The following RBM6 variants were observed in gnomAD, a reference collection of about 807,000 sequenced individuals.
RBM6 encodes RNA-binding protein 6.
Under a neutral mutation model 140.4 loss-of-function variants are expected in RBM6, and 23 were observed. That is an observed-to-expected ratio of 0.16 (90% CI 0.12 to 0.23). The LOEUF is 0.23. RBM6 is among the 10% of genes least tolerant of loss of function. The pLI is 1.00. For synonymous variants in RBM6, 439 were observed against 475.6 expected (o/e 0.92, Z 1.00); for missense variants, 1,139 against 1,386.7 (o/e 0.82, Z 2.84).
intron 6 of RBM6, among the ~76,000 whole-genome samples, chr3:50,012,838 G>C (rs888800680): frequency 3.3e-5 from 5 of 150,422 alleles, no homozygotes; most frequent in Admixed American, 6.6e-5. Context: ...CCCGTCCCGG[G>C]TTCAAGCAAT....
chr3:49,941,798 C>G (rs2083294587), intron 1 of RBM6, among the ~76,000 whole-genome samples: 1 of 151,718 alleles, frequency 6.6e-6, no homozygotes. Context: ...GAACTACTGA[C>G]CTCAGGTGAT....
At chr3:49,946,262 A>G (rs963506007) in intron 1 of RBM6, among the ~76,000 whole-genome samples, 2 of 150,236 alleles carry the variant, frequency 1.3e-5, no homozygotes, top group Non-Finnish European at 3.0e-5. Flanking sequence ...TTTTTTGGAG[A>G]CAGATTCTCG....
At chr3:50,039,285 G>A (rs2088727566) in intron 6 of RBM6, among the ~76,000 whole-genome samples, 1 of 151,820 alleles carries the variant, frequency 6.6e-6, no homozygotes, top group African/African-American at 2.4e-5. Context: ...TTTCACCCAG[G>A]CTGGAGTGCA....
At chr3:50,029,410 A>G (rs1301745372) in intron 6 of RBM6, among the ~76,000 whole-genome samples, 1 of 152,172 alleles carries the variant, frequency 6.6e-6, no homozygotes, top group Non-Finnish European at 1.5e-5. Flanking sequence ...TACAAGAGAG[A>G]GGGCAGAATC....
chr3:49,973,154 C>T (rs933113821), intron 4 of RBM6, among the ~76,000 whole-genome samples: 2 of 151,124 alleles, frequency 1.3e-5, no homozygotes, highest in African/African-American at 2.4e-5. Context: ...TTTGAGGCAG[C>T]GTCTCACTTT....
rs184223882 is a variant in RBM6 at position 49,965,376 on chromosome 3, G to C, written c.45-2094G>C. On this transcript the variant is annotated intron_variant, in intron 2 of 20. Transcript: ENST00000266022. The stretch of plus-strand genomic sequence containing the variant: ...TTTAGTGTTAAATTGTATTGCCTAA[G>C]AAGAACATCTAGGGCGGGCGTGGCG... Among the ~76,000 whole-genome samples the C allele has an allele frequency of 9.9e-5, 15 of 152,274 alleles. No homozygotes were observed. The South Asian group carries it at 2.9e-3, about 29-fold the overall frequency.
At chr3:50,068,800 G>T (rs1409375241) in intron 18 of RBM6, 36 bp downstream of exon 18, 1 of 1,575,460 alleles carries the variant, frequency 6.3e-7, no homozygotes, top group Non-Finnish European at 8.7e-7. Flanking sequence ...CTTGACCTCA[G>T]CTCTTTTTGC....
At chr3:49,987,189 C>G (rs752862787) in intron 5 of RBM6, among the ~76,000 whole-genome samples, 1 of 152,130 alleles carries the variant, frequency 6.6e-6, no homozygotes, top group Non-Finnish European at 1.5e-5. Context: ...TCTCCTGCCT[C>G]AGCCTCCCAA....
chr3:50,037,397 C>A (rs2088608632), intron 6 of RBM6, among the ~76,000 whole-genome samples: 1 of 151,974 alleles, frequency 6.6e-6, no homozygotes, highest in Non-Finnish European at 1.5e-5. Flanking sequence ...CAGAGCAAGA[C>A]CCTGTCTCAA....
intron 1 of RBM6, among the ~76,000 whole-genome samples, chr3:49,949,932 A>G (rs2083660822): frequency 6.6e-6 from 1 of 152,124 alleles, no homozygotes; most frequent in Admixed American, 6.6e-5. Context: ...CATATTGGCC[A>G]GGCTGGTTTT....
At chr3:49,963,077 G>A (rs2084354890) in intron 2 of RBM6, 1 of 154,250 alleles carries the variant, frequency 6.5e-6, no homozygotes, top group Non-Finnish European at 1.4e-5. Flanking sequence ...TCCAGCTTGG[G>A]CGACAGAGGA....
intron 6 of RBM6, among the ~76,000 whole-genome samples, chr3:50,007,602 G>A (rs1032366735): frequency 9.9e-5 from 15 of 151,474 alleles, no homozygotes; most frequent in African/African-American, 2.9e-4. Flanking sequence ...GCGTGATCTC[G>A]GCTCACTGCA....
At chr3:50,007,066 C>G (rs756812301) in intron 6 of RBM6, among the ~76,000 whole-genome samples, 6 of 150,846 alleles carry the variant, frequency 4.0e-5, no homozygotes, top group Non-Finnish European at 7.4e-5. Flanking sequence ...GAGTATATGG[C>G]AAAAAGAGGA....
intron 15 of RBM6, among the ~76,000 whole-genome samples, 170 bp downstream of exon 15, chr3:50,062,278 G>A (rs2089970061): frequency 6.6e-6 from 1 of 152,192 alleles, no homozygotes; most frequent in South Asian, 2.1e-4. Flanking sequence ...GCCAAGGCGG[G>A]CGGATCATGA....
At chr3:50,040,423 G>C (rs2088815490) in intron 6 of RBM6, among the ~76,000 whole-genome samples, 1 of 127,764 alleles carries the variant, frequency 7.8e-6, no homozygotes, top group Admixed American at 9.6e-5. Flanking sequence ...TCCAGCCTGG[G>C]TGACAGAGCA....
intron 1 of RBM6, among the ~76,000 whole-genome samples, chr3:49,943,529 G>A (rs2083371850): frequency 6.6e-6 from 1 of 151,968 alleles, no homozygotes; most frequent in Non-Finnish European, 1.5e-5. Flanking sequence ...GGGTGGTCTC[G>A]AACTCCTGAG....
intron 5 of RBM6, among the ~76,000 whole-genome samples, chr3:49,980,108 C>T (rs1403455034): frequency 1.3e-5 from 2 of 151,818 alleles, no homozygotes; most frequent in Non-Finnish European, 2.9e-5. Context: ...TCAAGCAATT[C>T]TGCCTGCCTT....
intron 1 of RBM6, among the ~76,000 whole-genome samples, chr3:49,960,137 C>G (rs563211781): frequency 6.6e-6 from 1 of 152,088 alleles, no homozygotes; most frequent in Non-Finnish European, 1.5e-5. Context: ...CCTTCAAATA[C>G]CCCCGCAGAC....
chr3:49,954,123 G>A (rs539928923), intron 1 of RBM6, among the ~76,000 whole-genome samples: 36 of 150,608 alleles, frequency 2.4e-4, no homozygotes, highest in African/African-American at 8.1e-4. Context: ...GTGACAGAGT[G>A]AGATAAGGTC....
Sources: allele counts gnomAD v4.1 joint callset (sites outside exome capture counted in the v4.1 genomes callset), GRCh38; gene constraint gnomAD v4.1.1; transcripts MANE v1.5; gene names NCBI Gene and HGNC (gene_info 2026-07-23, HGNC 2026-07-21).